The following ACOXL variants were observed in gnomAD, a reference collection of about 807,000 sequenced individuals.
ACOXL encodes acyl-coenzyme A oxidase-like protein.
In ACOXL, 70 loss-of-function variants were observed where a neutral mutation model predicts 71.9. That is an observed-to-expected ratio of 0.97 (90% CI 0.80 to 1.19). The LOEUF (loss-of-function observed/expected upper bound fraction) is 1.19. Ranked by LOEUF, ACOXL falls within the 50% of genes most tolerant of loss-of-function variation. The pLI is 0.00. For missense variants in ACOXL, 703 were observed against 736.3 expected (o/e 0.95, Z 0.52); for synonymous variants, 253 against 281.6 (o/e 0.90, Z 1.02).
intron 16 of ACOXL, among the ~76,000 whole-genome samples, chr2:111,051,530 G>A (rs527591698): frequency 7.2e-4 from 110 of 152,244 alleles, no homozygotes; most frequent in African/African-American, 2.6e-3. Flanking sequence ...GTGCAGTGGC[G>A]TGATCTTAGC....
chr2:111,084,286 C>T (rs1030057897), intron 16 of ACOXL, among the ~76,000 whole-genome samples: 2 of 151,652 alleles, frequency 1.3e-5, no homozygotes, highest in Admixed American at 6.6e-5. Flanking sequence ...CACACACACA[C>T]ACACACACAC....
At chr2:110,824,451 G>A (rs1328963328) in intron 9 of ACOXL, among the ~76,000 whole-genome samples, 3 of 152,096 alleles carry the variant, frequency 2.0e-5, no homozygotes, top group Non-Finnish European at 4.4e-5. Flanking sequence ...TAACAACCTC[G>A]AATCCTCTAA....
At chr2:111,091,070 A>G (rs987389092) in intron 16 of ACOXL, among the ~76,000 whole-genome samples, 7 of 152,082 alleles carry the variant, frequency 4.6e-5, no homozygotes, top group African/African-American at 1.7e-4. Context: ...TTGCCTCACT[A>G]TGGGGTCACC....
At chr2:111,013,430 G>A (rs574740304) in intron 14 of ACOXL, among the ~76,000 whole-genome samples, 53 of 150,200 alleles carry the variant, frequency 3.5e-4, no homozygotes, top group African/African-American at 1.2e-3. Context: ...GGCTGAGGCA[G>A]GAGAATCACT....
At chr2:111,097,649 T>C (rs1311809617) in intron 17 of ACOXL, among the ~76,000 whole-genome samples, 5 of 152,224 alleles carry the variant, frequency 3.3e-5, no homozygotes, top group Non-Finnish European at 7.3e-5. Flanking sequence ...AAGCTTGTGA[T>C]GATGGCAGTA....
At chr2:111,008,665 A>G (rs2063989852) in intron 14 of ACOXL, among the ~76,000 whole-genome samples, 1 of 152,202 alleles carries the variant, frequency 6.6e-6, no homozygotes, top group Non-Finnish European at 1.5e-5. Flanking sequence ...GCTCAAAGGT[A>G]AGTGCATTTG....
At chr2:111,004,910 G>A (rs184102140) in intron 14 of ACOXL, among the ~76,000 whole-genome samples, 355 of 152,318 alleles carry the variant, frequency 2.3e-3, no homozygotes, top group Non-Finnish European at 4.1e-3. Context: ...AATGGCAGAT[G>A]TTTTACAACA....
At chr2:110,858,115 T>TA (rs1693486532) in intron 10 of ACOXL, among the ~76,000 whole-genome samples, 1 of 152,178 alleles carries the variant, frequency 6.6e-6, no homozygotes, top group African/African-American at 2.4e-5. Context: ...TCTGCCTAGT[T>TA]ACAGCCAAAG....
At chr2:111,075,797 G>A (rs1480085844) in intron 16 of ACOXL, among the ~76,000 whole-genome samples, 1 of 151,940 alleles carries the variant, frequency 6.6e-6, no homozygotes, top group African/African-American at 2.4e-5. Flanking sequence ...TTTCCCTTGA[G>A]ACTTCCTCCT....
At chr2:110,796,852 A>T (rs1685345576) in intron 5 of ACOXL, among the ~76,000 whole-genome samples, 1 of 152,238 alleles carries the variant, frequency 6.6e-6, no homozygotes, top group African/African-American at 2.4e-5. Flanking sequence ...ATGTCAGAGA[A>T]TGTTTTCTTA....
chr2:111,045,289 T>C lies in ACOXL; in HGVS notation c.1370-3929T>C, dbSNP rs910915001. ...CAACTGCTTTCATTTTGAGGTTTTT[T>C]CCTCCTATTTAAAAGTTGGGGAGGA... On this transcript the variant is annotated intron_variant, in intron 15 of 17. Transcript: ENST00000439055. Among the ~76,000 whole-genome samples the C allele has an allele frequency of 1.1e-4, 16 of 152,320 alleles. 1 individual carries two copies. In the Middle Eastern group the frequency reaches 0.017, roughly 162 times the overall value.
At chr2:110,870,400 A>G (rs750264483) in intron 10 of ACOXL, among the ~76,000 whole-genome samples, 2 of 152,096 alleles carry the variant, frequency 1.3e-5, no homozygotes, top group Non-Finnish European at 2.9e-5. Flanking sequence ...GACATATTCA[A>G]ATGTTAAACA....
chr2:110,768,580 T>A (rs1452856454), intron 2 of ACOXL, 116 bp downstream of exon 2: 2 of 893,524 alleles, frequency 2.2e-6, no homozygotes, highest in Non-Finnish European at 3.4e-6. Context: ...AGAGGGTATA[T>A]GTGCAGGTTT....
At chr2:110,808,709 G>A (rs1354320759) in intron 9 of ACOXL, among the ~76,000 whole-genome samples, 1 of 152,176 alleles carries the variant, frequency 6.6e-6, no homozygotes, top group Non-Finnish European at 1.5e-5. Context: ...GTACATTTCA[G>A]AGCTTGTATG....
chr2:110,745,943 G>A (rs1050749554), intron 1 of ACOXL, among the ~76,000 whole-genome samples: 54 of 152,178 alleles, frequency 3.5e-4, no homozygotes, highest in African/African-American at 1.2e-3. Context: ...GGACTGGAGA[G>A]TCTCCTGTCA....
intron 12 of ACOXL, chr2:110,968,818 C>T (rs2062051228): frequency 2.5e-6 from 1 of 395,122 alleles, no homozygotes; most frequent in Admixed American, 4.4e-5. Context: ...AACCAGGCAA[C>T]AGGATTTATT....
At chr2:110,861,129 A>G (rs903774044) in intron 10 of ACOXL, among the ~76,000 whole-genome samples, 1 of 152,160 alleles carries the variant, frequency 6.6e-6, no homozygotes. Context: ...GTGAGACCCT[A>G]TCTCAACAAC....
chr2:110,805,421 T>G, intron 9 of ACOXL, 26 bp downstream of exon 9: 1 of 1,614,058 alleles, frequency 6.2e-7, no homozygotes, highest in Non-Finnish European at 8.5e-7. Flanking sequence ...TTTAACTTAA[T>G]TATCTACTGT....
chr2:110,733,185 G>T (rs1434584691), intron 1 of ACOXL: 7 of 152,602 alleles, frequency 4.6e-5, no homozygotes, highest in Admixed American at 3.3e-4. Flanking sequence ...AGAAAACCGC[G>T]ATGGGATGGG....
Sources: allele counts gnomAD v4.1 joint callset (sites outside exome capture counted in the v4.1 genomes callset), GRCh38; gene constraint gnomAD v4.1.1; transcripts MANE v1.5; gene names NCBI Gene and HGNC (gene_info 2026-07-23, HGNC 2026-07-21).